The following TMEM19 variants were observed in gnomAD, a reference collection of about 807,000 sequenced individuals.
TMEM19 encodes transmembrane protein 19.
A neutral mutation model predicts 33.6 loss-of-function variants in TMEM19; 21 were observed. That is an observed-to-expected ratio of 0.62 (90% CI 0.44 to 0.90). TMEM19 has a LOEUF of 0.90. Ranked by LOEUF, TMEM19 falls within the 40% of genes least tolerant of loss-of-function variation. The probability of loss-of-function intolerance (pLI) is 0.00; values close to 1 mark genes in which losing one functional copy is unlikely to be tolerated. For synonymous variants in TMEM19, 149 were observed against 147.5 expected (o/e 1.01, Z -0.07); for missense variants, 402 against 401.8 (o/e 1.00, Z 0.00).
rs1163697121 is a variant in TMEM19, at chr12:71,697,329, A to G, written c.432A>G (p.Thr144=). The change falls in exon 4 of 6, where the codon ACA becomes ACG. Residue 144 remains threonine, a synonymous_variant. Transcript: ENST00000266673. ...TGTTCTGTAATGGAGCTGTACCCAC[A>G]GAACTGGCCCTGCTGTACATGATAG... ...VQVFCNGAVP[T]ELALLYMIEN... 6.2e-7 allele frequency: 1 copy of G among 1,609,584 alleles called. No homozygotes were observed. Among genetic ancestry groups the G allele is most frequent in the East Asian group, 2.2e-5 (1 of 44,614 alleles).
rs894464370 is a variant in TMEM19, at chr12:71,697,399, T to G, written c.502T>G (p.Ser168Ala). ...EIPVDFSKQYSASWMCLSLLA... is the reference protein window; with the variant it reads ...EIPVDFSKQYAASWMCLSLLA... ...CCCAGTCGATTTTTCCAAGCAGTAC[T>G]CCGCTTCCTGGATGTGTTTGTCTCT... The change falls in exon 4 of 6, where the codon TCC becomes GCC. Residue 168 changes from serine to alanine, a missense_variant. Coordinates refer to ENST00000266673, the MANE Select transcript of TMEM19 (RefSeq NM_018279.4). 1 of 1,611,348 alleles carries G rather than the reference T, an allele frequency of 6.2e-7. No homozygotes were observed. The highest frequency in any genetic ancestry group is 8.5e-7 in the Non-Finnish European group (1 of 1,178,956).
intron 2 of TMEM19, among the ~76,000 whole-genome samples, chr12:71,690,967 T>C (rs1881775405): frequency 6.6e-6 from 1 of 152,260 alleles, no homozygotes; most frequent in Non-Finnish European, 1.5e-5. Context: ...TCAAAACTGT[T>C]GTACTCTTTT....
chr12:71,696,839 G>A (rs192797800), intron 3 of TMEM19, among the ~76,000 whole-genome samples: 1,701 of 152,040 alleles, frequency 0.011, 10 homozygotes, highest in Middle Eastern at 0.044. Flanking sequence ...AGTAGAGACG[G>A]GGTTTCACCG....
intron 2 of TMEM19, among the ~76,000 whole-genome samples, chr12:71,690,998 A>G (rs1045634683): frequency 3.3e-5 from 5 of 152,312 alleles, no homozygotes; most frequent in African/African-American, 1.2e-4. Flanking sequence ...GGAACCCCAA[A>G]TTATATAAAC....
In TMEM19 at chr12:71,701,327, G is replaced by A. The variant is rs1881976559; in HGVS notation, c.*332G>A. 5.8e-6 allele frequency: 1 copy of A among 173,546 alleles called. No homozygotes were observed. Among genetic ancestry groups the A allele is most frequent in the African/African-American group, 2.4e-5 (1 of 42,262 alleles). 10.8% of individuals were successfully genotyped at this position (173,546 alleles called of 1,614,324 possible). On this transcript the variant is annotated 3_prime_UTR_variant, in exon 6 of 6. Transcript: ENST00000266673. ...GTCAAGTTTTGTCTTATTTTGTTTT[G>A]TTTGTTTAAACCAGTGTAGGAAATA...
intron 1 of TMEM19, among the ~76,000 whole-genome samples, chr12:71,688,115 G>A (rs1297278303): frequency 6.6e-6 from 1 of 152,224 alleles, no homozygotes; most frequent in African/African-American, 2.4e-5. Context: ...TCTGGGGCCA[G>A]TCACCTAATG....
Position 71,703,735 on chromosome 12 carries a change from T to G in TMEM19, c.*2740T>G, listed in dbSNP as rs1356433538. 5.3e-6 allele frequency: 1 copy of G among 187,458 alleles called. No individual in the cohort carries two copies. The highest frequency in any genetic ancestry group is 2.4e-5 in the African/African-American group (1 of 42,514). The allele number at this position is 187,458 out of a possible 1,614,324, so 11.6% of individuals were successfully genotyped here. On this transcript the variant is annotated 3_prime_UTR_variant, in exon 6 of 6. Coordinates refer to ENST00000266673, the MANE Select transcript of TMEM19 (RefSeq NM_018279.4). ...ATATACTCCTATTTTTGTGGTGATT[T>G]ATGAACATCCCCACTAAGTATAACT...
chr12:71,697,680 G>T, intron 4 of TMEM19, 146 bp downstream of exon 4: 2 of 1,065,994 alleles, frequency 1.9e-6, no homozygotes, highest in Non-Finnish European at 2.6e-6. Context: ...AATAATAATT[G>T]GAAAATTTCT....
At position 71,703,214 on chromosome 12, in the gene TMEM19, A is replaced by T. The variant is rs1260563342; in HGVS notation, c.*2219A>T. On this transcript the variant is annotated 3_prime_UTR_variant, in exon 6 of 6. Transcript: ENST00000266673. Reference sequence around the variant, plus strand: ...AAAAAAAAAAAAAAAAAAAAAAAAAAAAAAAAAAAAAAGAATATTCTAAGC... The same window carrying T: ...AAAAAAAAAAAAAAAAAAAAAAAAATAAAAAAAAAAAAGAATATTCTAAGC... The T allele has an allele frequency of 1.4e-4, 19 of 137,214 alleles. No individual in the cohort carries two copies. The highest frequency in any genetic ancestry group is 4.9e-4 in the African/African-American group (17 of 34,910). 8.5% of individuals were successfully genotyped at this position (137,214 alleles called of 1,614,324 possible).
chr12:71,696,707 C>T (rs949083539), intron 3 of TMEM19, 134 bp downstream of exon 3: 11 of 724,010 alleles, frequency 1.5e-5, no homozygotes, highest in Non-Finnish European at 2.0e-5. Context: ...AGTGCACTGG[C>T]GCAATCTCGG....
At chr12:71,698,766 G>A (rs1881925060) in intron 4 of TMEM19, 134 bp from the exon 5 acceptor site, 4 of 743,218 alleles carry the variant, frequency 5.4e-6, no homozygotes, top group East Asian at 5.1e-5. Context: ...TTTCTAAAAA[G>A]CTACAGTCTT....
Position 71,701,100 on chromosome 12 carries a change from G to C in TMEM19, c.*105G>C. 5 of 1,174,316 alleles carry C rather than the reference G, an allele frequency of 4.3e-6. No individual in the cohort carries two copies. In the South Asian group the frequency reaches 7.8e-5, roughly 18 times the overall value. The allele number at this position is 1,174,316 out of a possible 1,614,324, so 72.7% of individuals were successfully genotyped here. A position where few individuals can be genotyped will look rare whatever the true frequency, so the allele number is the denominator to read the frequency against. ...CTGTAATGGCAAAGCGGAAATGCCAGTTCCTCCTGTATTCCATTGAGATGG... is the reference window on the plus strand; with the variant it reads ...CTGTAATGGCAAAGCGGAAATGCCACTTCCTCCTGTATTCCATTGAGATGG... On this transcript the variant is annotated 3_prime_UTR_variant, in exon 6 of 6. Transcript: ENST00000266673.
intron 2 of TMEM19, among the ~76,000 whole-genome samples, chr12:71,690,808 A>T (rs1054619771): frequency 2.6e-5 from 4 of 152,252 alleles, no homozygotes; most frequent in African/African-American, 9.6e-5. Context: ...GCAAAAGTCC[A>T]GATATTTTAG....
rs1370975359 is a variant in TMEM19 at position 71,704,488 on chromosome 12, C to CA, written c.*3494dup. Reference sequence around the variant, plus strand: ...TTTTATGTAATGTTCCCAGTGCTATCACAATGAGAATGATCTATACTAGCC... The same window carrying CA: ...TTTTATGTAATGTTCCCAGTGCTATCAACAATGAGAATGATCTATACTAGCC... On this transcript the variant is annotated 3_prime_UTR_variant, in exon 6 of 6. Transcript: ENST00000266673. The CA allele has an allele frequency of 3.9e-5, 6 of 152,672 alleles. No homozygotes were observed. Among genetic ancestry groups the CA allele is most frequent in the African/African-American group, 1.4e-4 (6 of 41,554 alleles). 9.5% of individuals were successfully genotyped at this position (152,672 alleles called of 1,614,324 possible). A position where few individuals can be genotyped will look rare whatever the true frequency, so the allele number is the denominator to read the frequency against.
rs1881688296 is a variant in TMEM19, at chr12:71,686,414, G to A, written c.-267G>A. 10 of 328,586 alleles carry A rather than the reference G, an allele frequency of 3.0e-5. No individual in the cohort carries two copies. In the South Asian group the frequency reaches 3.1e-4, roughly 10 times the overall value. The allele number at this position is 328,586 out of a possible 1,614,324, so 20.4% of individuals were successfully genotyped here. A position where few individuals can be genotyped will look rare whatever the true frequency, so the allele number is the denominator to read the frequency against. On this transcript the variant is annotated 5_prime_UTR_variant, in exon 1 of 6. Coordinates refer to ENST00000266673, the MANE Select transcript of TMEM19 (RefSeq NM_018279.4). ...CCGGCGTGAGGCGCTGAAGCGGCCG[G>A]CAGCCGGCGACCGGCCCTCACCGTC...
rs147512509 is a variant in TMEM19, at chr12:71,696,515, G to A, written c.324G>A (p.Ser108=). ...TSLLMFFLSS[S]KLTKWKGEVK... is the part of the protein sequence containing the mutation. ...TGCTGATGTTTTTCTTGTCTTCTTC[G>A]AAACTCACTAAATGGAAGGGAGAAG... The change falls in exon 3 of 6, where the codon TCG becomes TCA. Residue 108 remains serine (S), a synonymous_variant. Transcript: ENST00000266673. 28 of 1,610,662 alleles carry A rather than the reference G, an allele frequency of 1.7e-5. No individual in the cohort carries two copies. The East Asian group carries it at 3.6e-4, about 21-fold the overall frequency.
At chr12:71,689,160 A>G (rs1372439242) in intron 1 of TMEM19, among the ~76,000 whole-genome samples, 2 of 152,194 alleles carry the variant, frequency 1.3e-5, no homozygotes, top group African/African-American at 4.8e-5. Flanking sequence ...GTTTTCGTCA[A>G]TGACAGACCA....
rs1201804536 is a variant in TMEM19, at chr12:71,704,498, A to G, written c.*3503A>G. 6.6e-6 allele frequency: 1 copy of G among 152,578 alleles called. No individual in the cohort carries two copies. The highest frequency in any genetic ancestry group is 1.5e-5 in the Non-Finnish European group (1 of 68,270). 9.5% of individuals were successfully genotyped at this position (152,578 alleles called of 1,614,324 possible). On this transcript the variant is annotated 3_prime_UTR_variant, in exon 6 of 6. Transcript: ENST00000266673. ...TGTTCCCAGTGCTATCACAATGAGA[A>G]TGATCTATACTAGCCACCAGATCTC...
At position 71,686,684 on chromosome 12, in the gene TMEM19, A is replaced by G; in HGVS notation, c.4A>G (p.Thr2Ala). 2 of 1,610,768 alleles carry G rather than the reference A, an allele frequency of 1.2e-6. No individual in the cohort carries two copies. The highest frequency in any genetic ancestry group is 1.7e-6 in the Non-Finnish European group (2 of 1,179,382). The change falls in exon 1 of 6, where the codon ACA (threonine) becomes GCA (alanine). Residue 2 changes from threonine (T) to alanine (A), a missense_variant. Thr to Ala is a moderately conservative substitution (Grantham distance 58). Transcript: ENST00000266673. M[T>A]DLNDNICKRY... ...GGAGCTCATATCCTTATTTTCCATG[A>G]CAGATCTTAACGACAATATATGCAA...
Sources: allele counts gnomAD v4.1 joint callset (sites outside exome capture counted in the v4.1 genomes callset), GRCh38; gene constraint gnomAD v4.1.1; transcripts MANE v1.5; gene names NCBI Gene and HGNC (gene_info 2026-07-23, HGNC 2026-07-21).